Variants in ZFPM2 observed in about 807,000 individuals in gnomAD.
The protein encoded by ZFPM2 is zinc finger protein ZFPM2.
ZFPM2 carries 20 observed loss-of-function variants against 98.6 expected under a neutral mutation model. That is an observed-to-expected ratio of 0.20 (90% CI 0.14 to 0.29). ZFPM2 has a LOEUF of 0.29. ZFPM2 is among the 10% of genes least tolerant of loss of function. The pLI is 1.00. For missense variants in ZFPM2, 1,310 were observed against 1,388.6 expected (o/e 0.94, Z 0.90); for synonymous variants, 518 against 502.7 (o/e 1.03, Z -0.41).
intron 4 of ZFPM2, among the ~76,000 whole-genome samples, chr8:105,571,469 G>T (rs1343547060): frequency 1.3e-5 from 2 of 152,212 alleles, no homozygotes; most frequent in Non-Finnish European, 2.9e-5. Context: ...AGCACTGTGA[G>T]GAAGAGTTGT....
intron 5 of ZFPM2, among the ~76,000 whole-genome samples, chr8:105,693,980 C>CTTTTTTTTTTTT (rs376834507): frequency 7.8e-4 from 92 of 118,404 alleles, no homozygotes; most frequent in African/African-American, 1.7e-3. Context: ...TTTTTCTTTT[C>CTTTTTTTTTTTT]TTTTTTTTTT....
At chr8:105,603,267 A>G (rs59588007) in intron 4 of ZFPM2, among the ~76,000 whole-genome samples, 3,851 of 152,214 alleles carry the variant, frequency 0.025, 118 homozygotes, top group African/African-American at 0.07. Flanking sequence ...TGCTTACAGC[A>G]TGGTATATAG....
At chr8:105,561,775 T>C (rs1199851641) in intron 4 of ZFPM2, among the ~76,000 whole-genome samples, 1 of 152,162 alleles carries the variant, frequency 6.6e-6, no homozygotes, top group East Asian at 1.9e-4. Context: ...CATTTAGTAA[T>C]ATATAAAATT....
At chr8:105,780,926 A>T (rs1478202214) in intron 5 of ZFPM2, among the ~76,000 whole-genome samples, 1 of 152,206 alleles carries the variant, frequency 6.6e-6, no homozygotes, top group Non-Finnish European at 1.5e-5. Context: ...GAGTTTCAAA[A>T]TGGACGTCTT....
intron 4 of ZFPM2, among the ~76,000 whole-genome samples, chr8:105,588,746 T>G (rs2130759367): frequency 6.6e-6 from 1 of 152,348 alleles, no homozygotes; most frequent in African/African-American, 2.4e-5. Context: ...ATGTGAATGC[T>G]CTTTTGTCAA....
chr8:105,425,230 A>G (rs1308424933), intron 2 of ZFPM2, among the ~76,000 whole-genome samples: 1 of 151,966 alleles, frequency 6.6e-6, no homozygotes, highest in Non-Finnish European at 1.5e-5. Flanking sequence ...GAGCCACAGA[A>G]GAGAGTTGCG....
At chr8:105,380,736 T>TTATA (rs1343885576) in intron 1 of ZFPM2, among the ~76,000 whole-genome samples, 1 of 41,946 alleles carries the variant, frequency 2.4e-5, no homozygotes, top group Non-Finnish European at 3.7e-5. Flanking sequence ...AACATATATA[T>TTATA]TATATATATA....
rs571052773 is a variant in ZFPM2, at chr8:105,718,108, G to C, written c.533-70610G>C. On this transcript the variant is annotated intron_variant, in intron 5 of 7. Coordinates refer to ENST00000407775, the MANE Select transcript of ZFPM2 (RefSeq NM_012082.4). ...CCAAAAATTTAGAAGTCTAAAATGT[G>C]AGGTCATGTTATTATGCAGTCATTG... is the stretch of plus-strand genomic sequence containing the variant. 2.0e-5 allele frequency among the ~76,000 whole-genome samples: 3 copies of C among 152,054 alleles called. No individual in the cohort carries two copies. The South Asian group carries it at 6.2e-4, about 32-fold the overall frequency.
chr8:105,430,453 A>G (rs1811997835), intron 2 of ZFPM2, among the ~76,000 whole-genome samples: 1 of 152,210 alleles, frequency 6.6e-6, no homozygotes. Context: ...TTCCAAATCT[A>G]TTATCATTAT....
rs1266602254 is a variant in ZFPM2, at chr8:105,692,879, A to G, written c.532+58522A>G. 2.6e-5 allele frequency among the ~76,000 whole-genome samples: 4 copies of G among 152,218 alleles called. No homozygotes were observed. In the East Asian group the frequency reaches 5.8e-4, roughly 22 times the overall value. On this transcript the variant is annotated intron_variant, in intron 5 of 7. Coordinates refer to ENST00000407775, the MANE Select transcript of ZFPM2 (RefSeq NM_012082.4). ...GAATACTAGGTTAAAGATTTTTTTC[A>G]TTGATGAGTAGACCATAGAAAGCTA...
Position 105,382,061 on chromosome 8 carries a change from C to T in ZFPM2, c.41-37083C>T, listed in dbSNP as rs1810900216. Among the ~76,000 whole-genome samples the T allele has an allele frequency of 2.6e-5, 4 of 152,104 alleles. No individual in the cohort carries two copies. In the South Asian group the frequency reaches 8.3e-4, roughly 31 times the overall value. On this transcript the variant is annotated intron_variant, in intron 1 of 7. Transcript: ENST00000407775. ...ATTCAAAATTTATTTGTCCAAAACACCTGCTCCTGACCTCCCACAAGATAA... is the reference window on the plus strand; with the variant it reads ...ATTCAAAATTTATTTGTCCAAAACATCTGCTCCTGACCTCCCACAAGATAA...
chr8:105,550,163 C>G (rs1273447798), intron 3 of ZFPM2, among the ~76,000 whole-genome samples: 1 of 151,794 alleles, frequency 6.6e-6, no homozygotes, highest in East Asian at 1.9e-4. Flanking sequence ...CACCCTTAGC[C>G]CTGTGATGCT....
intron 5 of ZFPM2, among the ~76,000 whole-genome samples, chr8:105,783,040 C>G (rs1586261126): frequency 6.6e-6 from 1 of 152,186 alleles, no homozygotes; most frequent in South Asian, 2.1e-4. Flanking sequence ...CAGATCTACA[C>G]AGGTCTCCCG....
chr8:105,605,381 TTTAA>T (rs1209357451), intron 4 of ZFPM2, among the ~76,000 whole-genome samples: 1 of 152,070 alleles, frequency 6.6e-6, no homozygotes, highest in East Asian at 1.9e-4. Flanking sequence ...TAGAATGGAA[TTTAA>T]TTAATATGAC....
rs10091173 is a variant in ZFPM2 at position 105,439,856 on chromosome 8, A to G, written c.200-4424A>G. On this transcript the variant is annotated intron_variant, in intron 2 of 7. Transcript: ENST00000407775. ...TATACATCCCTGAATTAGCTCCCAG[A>G]GTGATACTCCATTTAGTCTGTGAAA... 2.5e-3 allele frequency among the ~76,000 whole-genome samples: 384 copies of G among 152,342 alleles called. 2 individuals are homozygous for G. The highest frequency in any genetic ancestry group is 0.014 in the Middle Eastern group (4 of 294).
At chr8:105,415,879 T>C (rs1338197423) in intron 1 of ZFPM2, among the ~76,000 whole-genome samples, 1 of 152,142 alleles carries the variant, frequency 6.6e-6, no homozygotes, top group Non-Finnish European at 1.5e-5. Flanking sequence ...GAAATACAAG[T>C]TGGTCATCAA....
intron 3 of ZFPM2, among the ~76,000 whole-genome samples, chr8:105,468,232 GGTACTT>G (rs1438298876): frequency 6.6e-6 from 1 of 151,602 alleles, no homozygotes; most frequent in Admixed American, 6.6e-5. Context: ...TCTTCCCAGG[GGTACTT>G]GACACTTGCC....
chr8:105,483,886 A>G (rs530745961), intron 3 of ZFPM2, among the ~76,000 whole-genome samples: 63 of 150,912 alleles, frequency 4.2e-4, no homozygotes, highest in African/African-American at 1.4e-3. Context: ...GGTGCCTGCC[A>G]CCACGCCCGG....
chr8:105,780,479 A>T (rs1431466341), intron 5 of ZFPM2: 1 of 152,236 alleles, frequency 6.6e-6, no homozygotes, highest in Admixed American at 6.5e-5. Context: ...TCACTGGCTT[A>T]TTCAGTTGCA....
Sources: gnomAD v4.1 joint callset for allele counts (sites outside exome capture counted in the v4.1 genomes callset) on GRCh38, gnomAD v4.1.1 for gene constraint, MANE v1.5 for transcripts, NCBI Gene and HGNC (gene_info 2026-07-23, HGNC 2026-07-21) for gene names.